The following RSU1 variants were observed in gnomAD, a reference collection of about 807,000 sequenced individuals.
RSU1 encodes Ras suppressor protein 1, also known as rsu-1.
In RSU1, 26 loss-of-function variants were observed where a neutral mutation model predicts 31.1. That is an observed-to-expected ratio of 0.84 (90% CI 0.61 to 1.16). The LOEUF (loss-of-function observed/expected upper bound fraction) is 1.16, where lower values mean the gene tolerates loss of function less well. Ranked by LOEUF, RSU1 falls within the 50% of genes most tolerant of loss-of-function variation. The pLI is 0.00. For synonymous variants in RSU1, 164 were observed against 136.3 expected (o/e 1.20, Z -1.41); for missense variants, 320 against 339.1 (o/e 0.94, Z 0.44).
chr10:16,785,678 C>T (rs560206152), intron 2 of RSU1, among the ~76,000 whole-genome samples: 1 of 149,398 alleles, frequency 6.7e-6, no homozygotes, highest in East Asian at 2.0e-4. Context: ...GGTGGGGACA[C>T]GGATCCAAAC....
intron 8 of RSU1, among the ~76,000 whole-genome samples, chr10:16,609,749 A>G (rs1286140768): frequency 1.3e-5 from 2 of 152,224 alleles, no homozygotes; most frequent in Non-Finnish European, 1.5e-5. Flanking sequence ...TCCATCCAAC[A>G]TATCTCCCCA....
At chr10:16,794,609 G>A (rs768132455) in intron 2 of RSU1, among the ~76,000 whole-genome samples, 7 of 152,188 alleles carry the variant, frequency 4.6e-5, no homozygotes, top group Non-Finnish European at 7.3e-5. Flanking sequence ...TCAATTTACA[G>A]ATAAGAAAAC....
intron 8 of RSU1, among the ~76,000 whole-genome samples, chr10:16,651,135 G>A (rs890011344): frequency 2.6e-5 from 4 of 152,016 alleles, no homozygotes; most frequent in South Asian, 2.1e-4. Context: ...ATGCATCAAC[G>A]TTTTTACTAC....
intron 8 of RSU1, among the ~76,000 whole-genome samples, chr10:16,594,733 T>G (rs1005797798): frequency 6.8e-6 from 1 of 146,342 alleles, no homozygotes; most frequent in Non-Finnish European, 1.5e-5. Flanking sequence ...AGATAATATA[T>G]CATATATATC....
chr10:16,711,507 T>A (rs991717837), intron 7 of RSU1, among the ~76,000 whole-genome samples: 21 of 152,176 alleles, frequency 1.4e-4, no homozygotes, highest in African/African-American at 5.1e-4. Context: ...TCTCTTCTTT[T>A]CTAATGTAGC....
rs565780663 is a variant in RSU1, at chr10:16,718,498, C to T, written c.599-23343G>A. On this transcript the variant is annotated intron_variant, in intron 7 of 8. Coordinates refer to ENST00000345264, the MANE Select transcript of RSU1 (RefSeq NM_012425.4). ...AAATTTTTGTTTGGTAGTAGTCTGA[C>T]ATCAACAAATGTGAACAAATGGTGT... Among the ~76,000 whole-genome samples the T allele has an allele frequency of 2.6e-5, 4 of 152,240 alleles. No individual in the cohort carries two copies. In the East Asian group the frequency reaches 7.7e-4, roughly 29 times the overall value.
intron 7 of RSU1, among the ~76,000 whole-genome samples, chr10:16,722,628 A>C (rs1294958093): frequency 6.6e-6 from 1 of 152,144 alleles, no homozygotes; most frequent in Non-Finnish European, 1.5e-5. Flanking sequence ...ATCCAAAATT[A>C]AAGTTAAGGA....
intron 3 of RSU1, among the ~76,000 whole-genome samples, chr10:16,769,917 C>A (rs1837389341): frequency 6.6e-6 from 1 of 152,184 alleles, no homozygotes; most frequent in South Asian, 2.1e-4. Context: ...CCCCATACAG[C>A]ATTTTATGGT....
At chr10:16,795,527 T>G (rs1168265000) in intron 2 of RSU1, among the ~76,000 whole-genome samples, 1 of 152,120 alleles carries the variant, frequency 6.6e-6, no homozygotes, top group African/African-American at 2.4e-5. Flanking sequence ...CTCTCAATTT[T>G]AGATGAGAAA....
chr10:16,771,033 C>T (rs1380861310), intron 3 of RSU1, among the ~76,000 whole-genome samples: 8 of 148,880 alleles, frequency 5.4e-5, no homozygotes, highest in Non-Finnish European at 4.4e-5. Flanking sequence ...CAGATGTTCA[C>T]AATGTCATAT....
chr10:16,708,952 C>T (rs1564326511), intron 7 of RSU1, among the ~76,000 whole-genome samples: 1 of 135,054 alleles, frequency 7.4e-6, no homozygotes, highest in Non-Finnish European at 1.6e-5. Flanking sequence ...CCCATAACTA[C>T]TGAATTCATT....
At chr10:16,719,505 G>C (rs939091158) in intron 7 of RSU1, among the ~76,000 whole-genome samples, 2 of 152,118 alleles carry the variant, frequency 1.3e-5, no homozygotes, top group African/African-American at 2.4e-5. Context: ...CTTATTTGCT[G>C]TCACCTCTTC....
At chr10:16,630,973 C>T (rs1034430526) in intron 8 of RSU1, among the ~76,000 whole-genome samples, 5 of 152,236 alleles carry the variant, frequency 3.3e-5, no homozygotes, top group African/African-American at 9.6e-5. Flanking sequence ...ACTCAGATCT[C>T]AGTTAACTCA....
intron 2 of RSU1, among the ~76,000 whole-genome samples, chr10:16,805,889 G>C (rs918978076): frequency 3.3e-5 from 5 of 152,062 alleles, no homozygotes; most frequent in Admixed American, 1.3e-4. Flanking sequence ...AGGACTAGAA[G>C]GAGGAGTTAA....
intron 8 of RSU1, among the ~76,000 whole-genome samples, chr10:16,599,321 T>G (rs1833675379): frequency 6.6e-6 from 1 of 152,114 alleles, no homozygotes. Flanking sequence ...GAACAAAGCT[T>G]CTCCATCTCC....
chr10:16,791,635 CAAAAAAAAA>C (rs553951655), intron 2 of RSU1, among the ~76,000 whole-genome samples: 1 of 98,484 alleles, frequency 1.0e-5, no homozygotes, highest in Admixed American at 1.0e-4. Context: ...CTCAAAAAAA[CAAAAAAAAA>C]AAAAAAAGAA....
intron 2 of RSU1, among the ~76,000 whole-genome samples, chr10:16,805,933 TG>T (rs2131676325): frequency 6.6e-6 from 1 of 152,246 alleles, no homozygotes; most frequent in African/African-American, 2.4e-5. Flanking sequence ...GTATTTCCAT[TG>T]GAACTACCAG....
intron 8 of RSU1, among the ~76,000 whole-genome samples, chr10:16,632,571 C>A (rs1461795736): frequency 6.6e-6 from 1 of 152,210 alleles, no homozygotes; most frequent in Non-Finnish European, 1.5e-5. Context: ...AACCACCATG[C>A]CCCACAACAC....
chr10:16,726,517 G>A (rs924477014), intron 7 of RSU1, among the ~76,000 whole-genome samples: 1 of 151,980 alleles, frequency 6.6e-6, no homozygotes, highest in South Asian at 2.1e-4. Flanking sequence ...CACCCATCTC[G>A]GCCTCCCAAA....
Sources: allele counts gnomAD v4.1 joint callset (sites outside exome capture counted in the v4.1 genomes callset), GRCh38; gene constraint gnomAD v4.1.1; transcripts MANE v1.5; gene names NCBI Gene and HGNC (gene_info 2026-07-23, HGNC 2026-07-21).